The following RPS9 variants were observed in gnomAD, a reference collection of about 807,000 sequenced individuals.
RPS9 encodes the protein small ribosomal subunit protein uS4.
A neutral mutation model predicts 16.9 loss-of-function variants in RPS9; 1 was observed. The observed-to-expected ratio is 0.06, with a 90% confidence interval of 0.02 to 0.28. RPS9 has a LOEUF of 0.28. RPS9 is among the 10% of genes least tolerant of loss of function. The probability of loss-of-function intolerance (pLI) is 1.00; values close to 1 mark genes in which losing one functional copy is unlikely to be tolerated. For missense variants in RPS9, 137 were observed against 273.2 expected, an observed-to-expected ratio of 0.50 and a Z score of 3.51; for synonymous variants, 106 against 110.9, an observed-to-expected ratio of 0.96 and a Z score of 0.28.
At chr19:54,203,297 T>C (rs2077124834) in intron 3 of RPS9, 1 of 985,350 alleles carries the variant, frequency 1.0e-6, no homozygotes, top group Non-Finnish European at 1.2e-6. Flanking sequence ...TTCTAGTAAA[T>C]GAAGCCATCT....
chr19:54,207,235 A>AC (rs1265078182), intron 4 of RPS9, 163 bp from the exon 5 acceptor site: 2 of 596,370 alleles, frequency 3.4e-6, no homozygotes, highest in Non-Finnish European at 5.9e-6. Flanking sequence ...ATACCCTAAA[A>AC]CCCCGGAGGG....
chr19:54,203,767 G>A (rs1463899148), intron 3 of RPS9, among the ~76,000 whole-genome samples: 1 of 130,120 alleles, frequency 7.7e-6, no homozygotes, highest in African/African-American at 2.6e-5. Flanking sequence ...AAAACAACAC[G>A]AACTCCCCCC....
At chr19:54,202,952 C>A (rs1260702132) in intron 3 of RPS9, 1 of 969,652 alleles carries the variant, frequency 1.0e-6, no homozygotes, top group Non-Finnish European at 1.2e-6. Context: ...TCCACCTCAG[C>A]TTTCCAAAGT....
chr19:54,201,359 C>CT lies in RPS9; in HGVS notation c.97+79dup, dbSNP rs560434226. The CT allele has an allele frequency of 1.2e-3, 1,974 of 1,608,132 alleles. 5 individuals carry two copies. Among genetic ancestry groups the CT allele is most frequent in the Non-Finnish European group, 1.6e-3 (1,858 of 1,176,416 alleles). On this transcript the variant is annotated intron_variant, in intron 2 of 4. Transcript: ENST00000302907. The stretch of plus-strand genomic sequence containing the variant: ...ACGTGGATGAAGGTGCCCATGTACT[C>CT]TATCTAGTCCGTCCCCTAAATTTGG...
In RPS9 at chr19:54,201,265, A is replaced by G; in HGVS notation, c.81A>G (p.Gln27=). The change falls in exon 2 of 5, where the codon CAA becomes CAG. Residue 27 remains glutamine (Q), a synonymous_variant. Coordinates refer to ENST00000302907, the MANE Select transcript of RPS9 (RefSeq NM_001013.4). ...RRPFEKSRLD[Q]ELKLIGEYGL... ...CCTTCGAGAAATCTCGTCTCGACCA[A>G]GAGCTGAAGCTGATCGGTGAGTGGC... is the stretch of plus-strand genomic sequence containing the variant. 6.2e-7 allele frequency: 1 copy of G among 1,614,160 alleles called. No homozygotes were observed. The highest frequency in any genetic ancestry group is 8.5e-7 in the Non-Finnish European group (1 of 1,180,038).
In RPS9 at chr19:54,200,904, G is replaced by A; in HGVS notation, c.-26+16G>A. Reference sequence around the variant, plus strand: ...GTTTGCTTAGGTGAGGTGCGGTGGTGTGCTTTTTCTCTAGGGTTTGGGTTG... The same window carrying A: ...GTTTGCTTAGGTGAGGTGCGGTGGTATGCTTTTTCTCTAGGGTTTGGGTTG... On this transcript the variant is annotated intron_variant, in intron 1 of 4. Coordinates refer to ENST00000302907, the MANE Select transcript of RPS9 (RefSeq NM_001013.4). The A allele has an allele frequency of 2.2e-6, 3 of 1,336,074 alleles. No individual in the cohort carries two copies. The highest frequency in any genetic ancestry group is 2.9e-6 in the Non-Finnish European group (3 of 1,043,790). 82.8% of individuals were successfully genotyped at this position (1,336,074 alleles called of 1,614,324 possible).
chr19:54,204,290 A>G (rs34924761), intron 3 of RPS9, among the ~76,000 whole-genome samples: 46,434 of 151,980 alleles, frequency 0.31, 8,343 homozygotes, highest in East Asian at 0.43. Context: ...GGAGAATCCC[A>G]GGAGGCGGAG....
Position 54,206,404 on chromosome 19 carries a change from C to G in RPS9, c.349C>G (p.Leu117Val), listed in dbSNP as rs2077242381. Residue 117 changes from leucine (L) to valine (V), a missense_variant, in exon 4 of 5, where the codon CTG (leucine) becomes GTG (valine). By Grantham distance (32) the Leu-to-Val change is conservative (BLOSUM62 1). Around this residue, in one of 3 missense-constraint regions of RPS9, gnomAD observed 64 missense variants for 164.0 expected, o/e 0.39. Transcript: ENST00000302907. ...ERRLQTQVFK[L>V]GLAKSIHHAR... is the part of the protein sequence containing the mutation. The stretch of plus-strand genomic sequence containing the variant: ...ACGCCTGCAGACCCAGGTCTTCAAG[C>G]TGGGCTTGGCCAAGTCCATCCACCA... 6.2e-7 allele frequency: 1 copy of G among 1,614,146 alleles called. No individual in the cohort carries two copies. The highest frequency in any genetic ancestry group is 1.3e-5 in the African/African-American group (1 of 74,952).
chr19:54,201,754 T>C, intron 3 of RPS9, 145 bp downstream of exon 3: 4 of 1,453,426 alleles, frequency 2.8e-6, no homozygotes, highest in Non-Finnish European at 3.6e-6. Flanking sequence ...ACTTGTGGAG[T>C]AGGAAAAGTG....
intron 3 of RPS9, chr19:54,202,010 A>G (rs748695154): frequency 1.2e-4 from 22 of 180,280 alleles, no homozygotes; most frequent in Non-Finnish European, 2.3e-4. Flanking sequence ...TGTTTTTTTA[A>G]TTAAGTTTTC....
At chr19:54,202,789 G>C (rs1396649129) in intron 3 of RPS9, 2 of 985,312 alleles carry the variant, frequency 2.0e-6, no homozygotes, top group Non-Finnish European at 2.4e-6. Flanking sequence ...GGTCATCCAT[G>C]TTAGGCGTTG....
intron 4 of RPS9, 160 bp downstream of exon 4, chr19:54,206,622 AGCTGGGGCAGCCTCTT>A: frequency 5.8e-6 from 9 of 1,551,066 alleles, no homozygotes; most frequent in Non-Finnish European, 7.8e-6. Flanking sequence ...CTCACCAGGG[AGCTGGGGCAGCCTCTT>A]GCCCCAATAG....
intron 3 of RPS9, among the ~76,000 whole-genome samples, chr19:54,204,698 C>T (rs2077181661): frequency 6.6e-6 from 1 of 152,142 alleles, no homozygotes; most frequent in African/African-American, 2.4e-5. Flanking sequence ...ATAGGCCAGG[C>T]ATAAGGGACT....
In RPS9 at chr19:54,207,630, A is replaced by G. The variant is rs1317482442; in HGVS notation, c.*55A>G. 1.4e-6 allele frequency: 2 copies of G among 1,475,994 alleles called. No individual in the cohort carries two copies. Among genetic ancestry groups the G allele is most frequent in the Non-Finnish European group, 1.8e-6 (2 of 1,095,610 alleles). 91.4% of individuals were successfully genotyped at this position (1,475,994 alleles called of 1,614,324 possible). A position where few individuals can be genotyped will look rare whatever the true frequency, so the allele number is the denominator to read the frequency against. ...TGTCTCGTTTTCCTGCCAAATAAAC[A>G]GGATCAGCGCTTTACAATTGGTGTG... On this transcript the variant is annotated 3_prime_UTR_variant, in exon 5 of 5. Transcript: ENST00000302907.
intron 4 of RPS9, chr19:54,206,820 A>C: frequency 1.8e-6 from 2 of 1,106,968 alleles, no homozygotes; most frequent in Non-Finnish European, 2.5e-6. Flanking sequence ...TGTGAAGTTG[A>C]TTCCAGACCC....
At chr19:54,201,412 TG>T in intron 2 of RPS9, 74 bp from the exon 3 acceptor site, 1 of 1,608,666 alleles carries the variant, frequency 6.2e-7, no homozygotes, top group Non-Finnish European at 8.5e-7. Flanking sequence ...GAAGGTTTTG[TG>T]ATTCCAAAGC....
At chr19:54,201,466 C>A (rs377092075) in intron 2 of RPS9, 21 bp from the exon 3 acceptor site, 7 of 1,613,832 alleles carry the variant, frequency 4.3e-6, no homozygotes, top group Non-Finnish European at 5.9e-6. Flanking sequence ...CTACACTTGT[C>A]CACCCCCTTC....
At chr19:54,205,279 T>C (rs2077200216) in intron 3 of RPS9, among the ~76,000 whole-genome samples, 1 of 151,900 alleles carries the variant, frequency 6.6e-6, no homozygotes, top group African/African-American at 2.4e-5. Flanking sequence ...TCCAGAGTAT[T>C]AGCTAGAAGC....
At chr19:54,201,357 C>T (rs542503744) in intron 2 of RPS9, 76 bp downstream of exon 2, 383 of 1,611,262 alleles carry the variant, frequency 2.4e-4, no homozygotes, top group Non-Finnish European at 3.1e-4. Context: ...TGCCCATGTA[C>T]TCTATCTAGT....
Sources: allele counts gnomAD v4.1 joint callset (sites outside exome capture counted in the v4.1 genomes callset), GRCh38; gene constraint gnomAD v4.1.1; regional missense constraint gnomAD v4.1.1; transcripts MANE v1.5; gene names NCBI Gene and HGNC (gene_info 2026-07-23, HGNC 2026-07-21).